Variants in PADI2 observed in about 807,000 individuals in gnomAD.
The protein encoded by PADI2 is peptidyl arginine deiminase 2.
PADI2 carries 70 observed loss-of-function variants against 81.1 expected under a neutral mutation model. The observed-to-expected ratio is 0.86, with a 90% CI of 0.71 to 1.05. The LOEUF (loss-of-function observed/expected upper bound fraction) is 1.05. PADI2 is among the 50% of genes least tolerant of loss of function. The pLI is 0.00. For missense variants in PADI2, 853 were observed against 889.9 expected, an observed-to-expected ratio of 0.96 and a Z score of 0.53; for synonymous variants, 338 against 358.0, an observed-to-expected ratio of 0.94 and a Z score of 0.63.
chr1:17,108,306 C>A (rs1356021818), intron 1 of PADI2, among the ~76,000 whole-genome samples: 2 of 152,022 alleles, frequency 1.3e-5, no homozygotes, highest in African/African-American at 4.8e-5. Flanking sequence ...TAAGGGTGCA[C>A]GTGCAGAGGA....
intron 10 of PADI2, 114 bp downstream of exon 10, chr1:17,082,431 G>T: frequency 1.4e-6 from 1 of 715,092 alleles, no homozygotes; most frequent in South Asian, 1.5e-5. Flanking sequence ...AGGAGAAACA[G>T]AGGCTCTGGG....
At chr1:17,082,774 C>T in intron 9 of PADI2, 122 bp from the exon 10 acceptor site, 2 of 629,844 alleles carry the variant, frequency 3.2e-6, no homozygotes, top group Non-Finnish European at 5.6e-6. Context: ...TCCCCATTCC[C>T]TGGTCCCCCA....
At position 17,070,142 on chromosome 1, in the gene PADI2, G is replaced by C. The variant is rs369376083; in HGVS notation, c.1710C>G (p.Pro570=). ...GLTEQDIIDL[P]ALFKMDEDHR... is the part of the protein sequence containing the mutation. ...GGTCCTCGTCCATCTTGAACAGAGC[G>C]GGCAGGTCAATGATGTCCTGCTCTG... Residue 570 remains proline (P), a synonymous_variant, in exon 15 of 16, where the codon CCC becomes CCG. Transcript: ENST00000375486. 1 of 1,614,076 alleles carries C rather than the reference G, an allele frequency of 6.2e-7. No individual in the cohort carries two copies. The highest frequency in any genetic ancestry group is 8.5e-7 in the Non-Finnish European group (1 of 1,179,992).
chr1:17,073,416 C>CAAAAAAAAAA (rs55941211), intron 13 of PADI2, among the ~76,000 whole-genome samples: 1 of 127,456 alleles, frequency 7.8e-6, no homozygotes, highest in Non-Finnish European at 1.7e-5. Flanking sequence ...GACTGTGTCT[C>CAAAAAAAAAA]AAAAAAAAAA....
chr1:17,072,633 C>T (rs1228726388), intron 13 of PADI2, among the ~76,000 whole-genome samples: 1 of 152,196 alleles, frequency 6.6e-6, no homozygotes, highest in African/African-American at 2.4e-5. Context: ...GTCCCAATTA[C>T]ATGAATGTCT....
chr1:17,080,015 T>C (rs1236686404), intron 10 of PADI2, among the ~76,000 whole-genome samples: 1 of 152,124 alleles, frequency 6.6e-6, no homozygotes, highest in East Asian at 1.9e-4. Context: ...GGTCTCGAAC[T>C]CCTGACCTCA....
chr1:17,071,767 T>G (rs2078266118), intron 13 of PADI2, among the ~76,000 whole-genome samples: 1 of 152,194 alleles, frequency 6.6e-6, no homozygotes, highest in Non-Finnish European at 1.5e-5. Flanking sequence ...GCCAGTGGGA[T>G]CAGGGGTGCT....
At chr1:17,076,727 C>T (rs1296722966) in intron 11 of PADI2, among the ~76,000 whole-genome samples, 2 of 152,056 alleles carry the variant, frequency 1.3e-5, no homozygotes, top group East Asian at 3.9e-4. Flanking sequence ...CAGGTGCCCA[C>T]CACCCCGCCC....
chr1:17,095,266 T>C (rs1273461701), intron 4 of PADI2, among the ~76,000 whole-genome samples: 1 of 152,148 alleles, frequency 6.6e-6, no homozygotes, highest in East Asian at 1.9e-4. Context: ...GAGAACACCA[T>C]GCCGTCTGCA....
intron 13 of PADI2, among the ~76,000 whole-genome samples, chr1:17,073,798 T>TGGTGTCTCTAACCTGGCTG (rs1557757295): frequency 6.6e-6 from 1 of 152,208 alleles, no homozygotes; most frequent in Non-Finnish European, 1.5e-5. Flanking sequence ...GGAATTGGCA[T>TGGTGTCTCTAACCTGGCTG]GGTGTCTCTA....
In PADI2 at chr1:17,068,508, T is replaced by G; in HGVS notation, c.*536A>C. 1 of 160,418 alleles carries G rather than the reference T, an allele frequency of 6.2e-6. No homozygotes were observed. Among genetic ancestry groups the G allele is most frequent in the South Asian group, 1.7e-4 (1 of 5,810 alleles). The allele number at this position is 160,418 out of a possible 1,614,324, so 9.9% of individuals were successfully genotyped here. ...CTGCAGAGAGAAAGCCAAGAGGATT[T>G]GAGAGGTTGGTAAGGAATGAATAAT... is the stretch of plus-strand genomic sequence containing the variant. On this transcript the variant is annotated 3_prime_UTR_variant, in exon 16 of 16. Coordinates refer to ENST00000375486, the MANE Select transcript of PADI2 (RefSeq NM_007365.3).
chr1:17,103,158 T>A lies in PADI2; in HGVS notation c.277-99A>T. 4.8e-6 allele frequency: 4 copies of A among 835,112 alleles called. No homozygotes were observed. The South Asian group carries it at 5.9e-5, about 12-fold the overall frequency. The allele number at this position is 835,112 out of a possible 1,614,324, so 51.7% of individuals were successfully genotyped here. ...GAAGCAACTGCTGTCCCTCACAGCT[T>A]GTCAAGCCAACCCTCTCCAAACATC... On this transcript the variant is annotated intron_variant, in intron 2 of 15. Transcript: ENST00000375486.
In PADI2 at chr1:17,107,111, G is replaced by A. The variant is rs185626058; in HGVS notation, c.93-2050C>T. 8.9e-4 allele frequency among the ~76,000 whole-genome samples: 136 copies of A among 152,336 alleles called. 1 individual carries two copies. Among genetic ancestry groups the A allele is most frequent in the African/African-American group, 3.2e-3 (134 of 41,570 alleles). ...GCTAAATCCAGCCACTGGTCTGGAG[G>A]CCCAAGAGGGCTCAGAGGGACTTAG... On this transcript the variant is annotated intron_variant, in intron 1 of 15. Coordinates refer to ENST00000375486, the MANE Select transcript of PADI2 (RefSeq NM_007365.3).
chr1:17,072,239 C>T (rs1462863623), intron 13 of PADI2, among the ~76,000 whole-genome samples: 2 of 152,204 alleles, frequency 1.3e-5, no homozygotes, highest in East Asian at 3.8e-4. Flanking sequence ...ATTTTGGCCT[C>T]ATCTGGGAAG....
intron 2 of PADI2, among the ~76,000 whole-genome samples, chr1:17,104,311 A>C (rs1931264863): frequency 6.6e-6 from 1 of 151,948 alleles, no homozygotes; most frequent in African/African-American, 2.4e-5. Context: ...CAAACAAAAA[A>C]CAAACAATTT....
intron 11 of PADI2, 113 bp downstream of exon 11, chr1:17,079,151 G>C (rs1348080974): frequency 1.2e-6 from 1 of 839,936 alleles, no homozygotes; most frequent in Non-Finnish European, 1.9e-6. Context: ...GTCGTGGGAG[G>C]GAATAATTCC....
At chr1:17,097,835 G>A (rs2647183) in intron 3 of PADI2, among the ~76,000 whole-genome samples, 92,825 of 151,576 alleles carry the variant, frequency 0.61, 28,759 homozygotes, top group African/African-American at 0.68. Flanking sequence ...CTTTCCAGCC[G>A]GTCACGTCCA....
At chr1:17,080,895 G>A (rs2078339217) in intron 10 of PADI2, among the ~76,000 whole-genome samples, 1 of 152,226 alleles carries the variant, frequency 6.6e-6, no homozygotes, top group South Asian at 2.1e-4. Flanking sequence ...AGGGACAGCT[G>A]AGCCCATGGG....
chr1:17,099,419 C>A (rs935156206), intron 3 of PADI2, among the ~76,000 whole-genome samples: 1 of 152,154 alleles, frequency 6.6e-6, no homozygotes, highest in Admixed American at 6.5e-5. Flanking sequence ...TGCTCTCCCC[C>A]ATCCCTCCCA....
Sources: gnomAD v4.1 joint callset for allele counts (sites outside exome capture counted in the v4.1 genomes callset) on GRCh38, gnomAD v4.1.1 for gene constraint, MANE v1.5 for transcripts, NCBI Gene and HGNC (gene_info 2026-07-23, HGNC 2026-07-21) for gene names.